CLVS1: variants seen among roughly 807,000 people sequenced by gnomAD.
The protein encoded by CLVS1 is clavesin-1.
In CLVS1, 10 loss-of-function variants were observed where a neutral mutation model predicts 33.1. The observed-to-expected ratio is 0.30, with a 90% CI of 0.19 to 0.51. The LOEUF (loss-of-function observed/expected upper bound fraction) is 0.51. Ranked by LOEUF, CLVS1 falls within the 20% of genes least tolerant of loss-of-function variation. The pLI is 0.97. For synonymous variants in CLVS1, 163 were observed against 166.1 expected (o/e 0.98, Z 0.14); for missense variants, 343 against 433.4 (o/e 0.79, Z 1.85).
chr8:61,064,655 C>T (rs1234885499), intron 1 of CLVS1, among the ~76,000 whole-genome samples: 2 of 151,778 alleles, frequency 1.3e-5, no homozygotes, highest in African/African-American at 2.4e-5. Flanking sequence ...ATTCTTCTGC[C>T]TCAGCCTCCT....
intron 2 of CLVS1, among the ~76,000 whole-genome samples, chr8:61,319,123 G>A (rs1484227111): frequency 6.6e-6 from 1 of 151,902 alleles, no homozygotes; most frequent in Non-Finnish European, 1.5e-5. Context: ...TCTTTTGGTT[G>A]TTGACTCTAC....
chr8:61,483,431 GA>G (rs1468335473), intron 5 of CLVS1, among the ~76,000 whole-genome samples: 1 of 152,158 alleles, frequency 6.6e-6, no homozygotes, highest in African/African-American at 2.4e-5. Context: ...AATAGGTTCT[GA>G]AATTGATGCA....
chr8:61,246,292 C>T (rs1808809030), intron 2 of CLVS1, among the ~76,000 whole-genome samples: 1 of 148,266 alleles, frequency 6.7e-6, no homozygotes, highest in South Asian at 2.2e-4. Context: ...GCCTCAGCCT[C>T]CCAAGTAGCT....
At chr8:61,282,841 A>C (rs1809701140) in intron 2 of CLVS1, among the ~76,000 whole-genome samples, 1 of 152,220 alleles carries the variant, frequency 6.6e-6, no homozygotes, top group African/African-American at 2.4e-5. Flanking sequence ...AGATAATTGA[A>C]TGAAAAGTTG....
chr8:61,353,158 C>T (rs1480578751), intron 2 of CLVS1, among the ~76,000 whole-genome samples: 1 of 152,016 alleles, frequency 6.6e-6, no homozygotes, highest in Non-Finnish European at 1.5e-5. Context: ...ACTGATAGAA[C>T]TTAGACAGAA....
chr8:61,043,088 T>C, the CLVS1 span, among the ~76,000 whole-genome samples: 1 of 152,218 alleles, frequency 6.6e-6, no homozygotes, highest in African/African-American at 2.4e-5. Context: ...GAGGGCTTTA[T>C]GGGGCAAGTA....
upstream of CLVS1, among the ~76,000 whole-genome samples, chr8:61,287,012 T>C (rs187209759): frequency 5.9e-5 from 9 of 152,342 alleles, no homozygotes; most frequent in African/African-American, 1.9e-4. Flanking sequence ...ATTTCTATGA[T>C]CGTAAATGAA....
At chr8:61,375,277 G>A (rs570796189) in intron 2 of CLVS1, among the ~76,000 whole-genome samples, 45 of 149,792 alleles carry the variant, frequency 3.0e-4, no homozygotes, top group African/African-American at 8.6e-4. Context: ...ATGAGACAGA[G>A]GCTGGCTGCA....
chr8:61,171,069 C>G (rs774776087), intron 2 of CLVS1, among the ~76,000 whole-genome samples: 8 of 151,606 alleles, frequency 5.3e-5, no homozygotes, highest in Non-Finnish European at 1.0e-4. Context: ...ATTTAACTGC[C>G]CAGGTGTCAG....
intron 2 of CLVS1, among the ~76,000 whole-genome samples, chr8:61,232,023 GT>G (rs1158042227): frequency 0.028 from 1,761 of 62,548 alleles, 4 homozygotes; most frequent in South Asian, 0.051. Context: ...GAAAGTTGTG[GT>G]TTTTTTTTTT....
At chr8:61,317,198 G>T (rs1303252527) in intron 2 of CLVS1, among the ~76,000 whole-genome samples, 3 of 152,166 alleles carry the variant, frequency 2.0e-5, no homozygotes, top group Non-Finnish European at 4.4e-5. Context: ...AAGTTACGTT[G>T]TCTGGTGAGG....
In CLVS1 at chr8:61,262,535, A is replaced by T. The variant is rs568882845; in HGVS notation, c.-151-37142A>T. Among the ~76,000 whole-genome samples the T allele has an allele frequency of 2.6e-5, 4 of 152,278 alleles. No individual in the cohort carries two copies. In the East Asian group the frequency reaches 5.8e-4, roughly 22 times the overall value. On this transcript the variant is annotated intron_variant, in intron 2 of 2. Coordinates refer to the CLVS1 transcript ENST00000522621. ...AAAGTAGAGTCTCCAGGCCCATCTGATAAGAATTGAGAAGGTTTTTTATTA... is the reference window on the plus strand; with the variant it reads ...AAAGTAGAGTCTCCAGGCCCATCTGTTAAGAATTGAGAAGGTTTTTTATTA...
intron 3 of CLVS1, among the ~76,000 whole-genome samples, chr8:61,425,801 A>T (rs1315765868): frequency 6.6e-6 from 1 of 152,218 alleles, no homozygotes; most frequent in African/African-American, 2.4e-5. Flanking sequence ...CATAAAAGTG[A>T]GGGAGAGTAG....
At chr8:61,460,023 C>T (rs1817317993) in intron 5 of CLVS1, among the ~76,000 whole-genome samples, 1 of 152,166 alleles carries the variant, frequency 6.6e-6, no homozygotes, top group Admixed American at 6.5e-5. Context: ...TTATGACCCA[C>T]CCATAGAACC....
chr8:61,494,012 A>G (rs1436794447), intron 5 of CLVS1, among the ~76,000 whole-genome samples: 3 of 152,170 alleles, frequency 2.0e-5, no homozygotes, highest in African/African-American at 7.2e-5. Flanking sequence ...TAAGAAGAAG[A>G]AAAGGTGAGT....
At chr8:61,056,327 T>C (rs1426812286), upstream of CLVS1, among the ~76,000 whole-genome samples, 1 of 152,190 alleles carries the variant, frequency 6.6e-6, no homozygotes, top group Non-Finnish European at 1.5e-5. Context: ...TCAGTTTTGC[T>C]TCTCTATTTT....
At chr8:61,470,012 T>G (rs2129607687) in intron 5 of CLVS1, among the ~76,000 whole-genome samples, 1 of 152,354 alleles carries the variant, frequency 6.6e-6, no homozygotes, top group South Asian at 2.1e-4. Context: ...TTCCCAGTGT[T>G]TAATGCTGGT....
At chr8:60,983,712 G>A in the CLVS1 span, among the ~76,000 whole-genome samples, 1 of 152,158 alleles carries the variant, frequency 6.6e-6, no homozygotes, top group African/African-American at 2.4e-5. Context: ...CCTTGGCAGA[G>A]GGAATTGGCA....
rs140705955 is a variant in CLVS1 at position 61,441,669 on chromosome 8, G to A, written c.631-12472G>A. Among the ~76,000 whole-genome samples the A allele has an allele frequency of 6.8e-4, 104 of 152,220 alleles. 1 individual carries two copies. Among genetic ancestry groups the A allele is most frequent in the African/African-American group, 2.5e-3 (104 of 41,548 alleles). ...AGCAGAAACTGAGCCAACGGCCACG[G>A]GTGACATCTGTATCTGATTGTTGAA... On this transcript the variant is annotated intron_variant, in intron 3 of 5. Transcript: ENST00000325897.
Sources: gnomAD v4.1 joint callset for allele counts (sites outside exome capture counted in the v4.1 genomes callset) on GRCh38, gnomAD v4.1.1 for gene constraint, MANE v1.5 for transcripts, NCBI Gene and HGNC (gene_info 2026-07-23, HGNC 2026-07-21) for gene names.